The following WWTR1 variants were observed in gnomAD, a reference collection of about 807,000 sequenced individuals.
WWTR1 encodes WW domain-containing transcription regulator protein 1.
In WWTR1, 13 loss-of-function variants were observed where a neutral mutation model predicts 40.1. That is an observed-to-expected ratio of 0.32 (90% CI 0.21 to 0.52). The LOEUF is 0.52. Among genes scored for constraint, WWTR1 ranks in the 20% least tolerant of loss-of-function variants. The probability of loss-of-function intolerance (pLI) is 0.97; values close to 1 mark genes in which losing one functional copy is unlikely to be tolerated. For synonymous variants in WWTR1, 230 were observed against 210.1 expected (o/e 1.09, Z -0.82); for missense variants, 436 against 523.1 (o/e 0.83, Z 1.63).
Position 149,519,095 on chromosome 3 carries a change from A to G in WWTR1, c.*1710T>C. 6.6e-6 allele frequency: 1 copy of G among 152,142 alleles called. No individual in the cohort carries two copies. The highest frequency in any genetic ancestry group is 1.9e-4 in the East Asian group (1 of 5,174). 9.4% of individuals were successfully genotyped at this position (152,142 alleles called of 1,614,324 possible). A position where few individuals can be genotyped will look rare whatever the true frequency, so the allele number is the denominator to read the frequency against. On this transcript the variant is annotated 3_prime_UTR_variant, in exon 7 of 7. Transcript: ENST00000360632. ...GAGACTCAAATTATTAAAGTCTTTC[A>G]AAAAAGATTAAATTCATAGATTATA...
chr3:149,557,496 C>T (rs1331839451), intron 3 of WWTR1, among the ~76,000 whole-genome samples: 1 of 152,164 alleles, frequency 6.6e-6, no homozygotes, highest in Non-Finnish European at 1.5e-5. Context: ...TTCTCTTCAA[C>T]ACCATGAAAG....
intron 3 of WWTR1, among the ~76,000 whole-genome samples, chr3:149,555,648 C>A (rs1256870250): frequency 6.6e-6 from 1 of 152,052 alleles, no homozygotes; most frequent in African/African-American, 2.4e-5. Context: ...AAGTTAATTA[C>A]CTTTGAAATG....
upstream of WWTR1, chr3:149,659,872 G>T (rs1438740131): frequency 6.6e-6 from 1 of 151,268 alleles, no homozygotes; most frequent in African/African-American, 2.4e-5. Flanking sequence ...TCATAGACTG[G>T]AAGAAATTAG....
At position 149,520,858 on chromosome 3, in the gene WWTR1, T is replaced by C. The variant is rs1735007880; in HGVS notation, c.1150A>G (p.Asn384Asp). The C allele has an allele frequency of 3.1e-6, 5 of 1,613,368 alleles. No homozygotes were observed. Among genetic ancestry groups the C allele is most frequent in the Middle Eastern group, 1.7e-4 (1 of 6,060 alleles). ...TTGTTCAGAGCAGACTCTACATCAT[T>C]GAAGAGGGGGATCAGGTCTTCAGAT... ...LESEDLIPLF[N>D]DVESALNKSE... The change falls in exon 7 of 7, where the codon AAT (asparagine) becomes GAT (aspartate). Residue 384 changes from asparagine to aspartate, a missense_variant. Coordinates refer to ENST00000360632, the MANE Select transcript of WWTR1 (RefSeq NM_015472.6).
intron 2 of WWTR1, among the ~76,000 whole-genome samples, chr3:149,609,662 T>C (rs1560083414): frequency 6.6e-6 from 1 of 152,342 alleles, no homozygotes; most frequent in Non-Finnish European, 1.5e-5. Flanking sequence ...CTAAACTATT[T>C]ACCTCTAGCC....
intron 2 of WWTR1, among the ~76,000 whole-genome samples, chr3:149,611,862 CTGAT>C (rs1349498599): frequency 6.6e-6 from 1 of 152,218 alleles, no homozygotes; most frequent in Non-Finnish European, 1.5e-5. Flanking sequence ...TGTTTGTTCA[CTGAT>C]TGATTACTGT....
intron 2 of WWTR1, among the ~76,000 whole-genome samples, chr3:149,652,547 C>T (rs963794167): frequency 6.8e-5 from 9 of 132,578 alleles, no homozygotes; most frequent in Admixed American, 3.5e-4. Context: ...CACTTGAGCC[C>T]AGGAATTTGA....
intron 2 of WWTR1, among the ~76,000 whole-genome samples, chr3:149,637,261 T>C (rs991292946): frequency 6.6e-6 from 1 of 151,566 alleles, no homozygotes; most frequent in African/African-American, 2.4e-5. Context: ...AGTCTCGCTC[T>C]GTTGGCCAGG....
chr3:149,592,045 C>G (rs149016314), intron 2 of WWTR1, among the ~76,000 whole-genome samples: 58 of 152,298 alleles, frequency 3.8e-4, no homozygotes, highest in South Asian at 1.2e-3. Flanking sequence ...TGTGAGGAGA[C>G]ACAGCTATGG....
At position 149,539,841 on chromosome 3, in the gene WWTR1, C is replaced by T. The variant is rs1254041090; in HGVS notation, c.771+2494G>A. ...GAAACACAGAGCCCACACCTGAATA[C>T]TGAATAATCAGGTGTCCTGGCAAAT... On this transcript the variant is annotated intron_variant, in intron 4 of 6. Coordinates refer to ENST00000360632, the MANE Select transcript of WWTR1 (RefSeq NM_015472.6). 2.0e-5 allele frequency among the ~76,000 whole-genome samples: 3 copies of T among 152,022 alleles called. No homozygotes were observed. In the East Asian group the frequency reaches 5.8e-4, roughly 29 times the overall value.
chr3:149,710,556 T>A (rs1192448415), intron 5 of WWTR1, among the ~76,000 whole-genome samples: 2 of 130,054 alleles, frequency 1.5e-5, no homozygotes, highest in African/African-American at 5.4e-5. Context: ...TAAAACATTA[T>A]CATTATCCCC....
chr3:149,651,545 A>G (rs967831449), intron 2 of WWTR1, among the ~76,000 whole-genome samples: 2 of 152,226 alleles, frequency 1.3e-5, no homozygotes, highest in East Asian at 1.9e-4. Context: ...ATGGCAAATA[A>G]TGCATGAACA....
intron 1 of WWTR1, among the ~76,000 whole-genome samples, chr3:149,676,838 A>G (rs926857768): frequency 6.6e-6 from 1 of 151,974 alleles, no homozygotes; most frequent in East Asian, 1.9e-4. Flanking sequence ...GAGTCAGAGA[A>G]GGAGCAACCA....
At chr3:149,527,153 C>CT (rs755334881) in intron 5 of WWTR1, among the ~76,000 whole-genome samples, 11,954 of 144,146 alleles carry the variant, frequency 0.083, 585 homozygotes, top group African/African-American at 0.11. Flanking sequence ...CTTTTCTTTT[C>CT]TTTCTTTTTT....
chr3:149,604,462 G>A (rs894415182), intron 2 of WWTR1, among the ~76,000 whole-genome samples: 1 of 152,160 alleles, frequency 6.6e-6, no homozygotes. Flanking sequence ...TTACTCTTAG[G>A]GTTCTATCTC....
chr3:149,706,004 C>A (rs896922852), upstream of WWTR1, among the ~76,000 whole-genome samples: 1 of 151,980 alleles, frequency 6.6e-6, no homozygotes, highest in African/African-American at 2.4e-5. Flanking sequence ...CCAGCCTGGG[C>A]AATATTTGAA....
Position 149,572,857 on chromosome 3 carries a change from G to T in WWTR1, c.568+7C>A. Reference sequence around the variant, plus strand: ...CTTTTTTAATTTTAAAAAAGCTTGAGGCTTACCGAGATTTGGCTGGGATAC... The same window carrying T: ...CTTTTTTAATTTTAAAAAAGCTTGATGCTTACCGAGATTTGGCTGGGATAC... On this transcript the variant is annotated splice_region_variant and intron_variant, in intron 3 of 6. Coordinates refer to ENST00000360632, the MANE Select transcript of WWTR1 (RefSeq NM_015472.6). 1.2e-6 allele frequency: 2 copies of T among 1,613,648 alleles called. No homozygotes were observed. Among genetic ancestry groups the T allele is most frequent in the South Asian group, 2.2e-5 (2 of 90,962 alleles).
intron 2 of WWTR1, among the ~76,000 whole-genome samples, chr3:149,593,875 T>C (rs974508276): frequency 1.3e-5 from 2 of 152,264 alleles, no homozygotes; most frequent in African/African-American, 4.8e-5. Flanking sequence ...ATATTTTGTA[T>C]GGCTTCTCTA....
chr3:149,568,836 G>C (rs1036981315), intron 3 of WWTR1, among the ~76,000 whole-genome samples: 3 of 152,144 alleles, frequency 2.0e-5, no homozygotes, highest in African/African-American at 7.2e-5. Context: ...GCGCAATCTC[G>C]GCTCACTGCA....
Sources: allele counts gnomAD v4.1 joint callset (sites outside exome capture counted in the v4.1 genomes callset), GRCh38; gene constraint gnomAD v4.1.1; transcripts MANE v1.5; gene names NCBI Gene and HGNC (gene_info 2026-07-23, HGNC 2026-07-21).